Variants in EDIL3 observed in about 807,000 individuals in gnomAD.
EDIL3 encodes EGF like and discoidin domains 3.
In EDIL3, 37 loss-of-function variants were observed where a neutral mutation model predicts 67.4. That is an observed-to-expected ratio of 0.55 (90% CI 0.42 to 0.72). The LOEUF is 0.72. Ranked by LOEUF, EDIL3 falls within the 30% of genes least tolerant of loss-of-function variation. The pLI, the probability that EDIL3 is intolerant of heterozygous loss-of-function variation, is 0.00. For synonymous variants in EDIL3, 195 were observed against 196.3 expected, an observed-to-expected ratio of 0.99 and a Z score of 0.05; for missense variants, 527 against 586.3, an observed-to-expected ratio of 0.90 and a Z score of 1.04.
intron 1 of EDIL3, among the ~76,000 whole-genome samples, chr5:84,303,491 C>T (rs1294767706): frequency 6.6e-6 from 1 of 152,044 alleles, no homozygotes. Flanking sequence ...GTTAATCTGC[C>T]AACAAGTTGA....
At chr5:84,383,148 G>C (rs1263906097) in intron 1 of EDIL3, among the ~76,000 whole-genome samples, 2 of 152,208 alleles carry the variant, frequency 1.3e-5, no homozygotes, top group Non-Finnish European at 2.9e-5. Context: ...AGTTCACTCA[G>C]CTTTCCACTT....
At chr5:84,204,469 A>T (rs1743915425) in intron 3 of EDIL3, among the ~76,000 whole-genome samples, 1 of 152,208 alleles carries the variant, frequency 6.6e-6, no homozygotes, top group Admixed American at 6.5e-5. Flanking sequence ...GTTCCATGTC[A>T]TTGATATCCA....
At chr5:84,279,792 T>C (rs765658955) in intron 1 of EDIL3, among the ~76,000 whole-genome samples, 1 of 152,168 alleles carries the variant, frequency 6.6e-6, no homozygotes, top group African/African-American at 2.4e-5. Context: ...CTTTCCCAGC[T>C]TCCATTCCAA....
chr5:84,382,855 T>C (rs926238294), intron 1 of EDIL3, among the ~76,000 whole-genome samples: 2 of 151,770 alleles, frequency 1.3e-5, no homozygotes, highest in Non-Finnish European at 2.9e-5. Context: ...GCCTACACGC[T>C]GGGGGAAAAT....
chr5:84,027,230 T>C (rs1205462168), intron 9 of EDIL3, among the ~76,000 whole-genome samples: 1 of 152,210 alleles, frequency 6.6e-6, no homozygotes, highest in African/African-American at 2.4e-5. Context: ...CATGTGTCGC[T>C]TACTATAAGA....
intron 6 of EDIL3, among the ~76,000 whole-genome samples, chr5:84,076,120 A>C (rs967456853): frequency 7.9e-5 from 12 of 151,912 alleles, no homozygotes; most frequent in Non-Finnish European, 1.5e-4. Context: ...AAATTTACTA[A>C]GAAAGAGTTA....
At chr5:84,016,698 C>T (rs1745612605) in intron 9 of EDIL3, among the ~76,000 whole-genome samples, 1 of 152,166 alleles carries the variant, frequency 6.6e-6, no homozygotes, top group Non-Finnish European at 1.5e-5. Context: ...AAAACAAATG[C>T]ATCCCTGGTT....
At chr5:83,971,726 T>C (rs1338930006) in intron 9 of EDIL3, among the ~76,000 whole-genome samples, 1 of 151,994 alleles carries the variant, frequency 6.6e-6, no homozygotes, top group East Asian at 1.9e-4. Flanking sequence ...TCCTGGTGTT[T>C]GTCACATGCC....
At chr5:84,008,795 TTTTTGTTTTG>T (rs566432080) in intron 9 of EDIL3, among the ~76,000 whole-genome samples, 1 of 151,880 alleles carries the variant, frequency 6.6e-6, no homozygotes, top group African/African-American at 2.4e-5. Flanking sequence ...ATCTTAAGGA[TTTTTGTTTTG>T]TTTTGTTTTG....
rs560015520 is a variant in EDIL3, at chr5:84,224,595, T to C, written c.226+5260A>G. Reference sequence around the variant, plus strand: ...CTGACAACTTTGTTAAAAGGTGTTATTTGATTTTACCTTTCAAAAATACAT... The same window carrying C: ...CTGACAACTTTGTTAAAAGGTGTTACTTGATTTTACCTTTCAAAAATACAT... On this transcript the variant is annotated intron_variant, in intron 3 of 10. Coordinates refer to ENST00000296591, the MANE Select transcript of EDIL3 (RefSeq NM_005711.5). Among the ~76,000 whole-genome samples the C allele has an allele frequency of 3.8e-4, 58 of 151,530 alleles. 2 individuals are homozygous for C. In the South Asian group the frequency reaches 9.3e-3, roughly 24 times the overall value.
intron 1 of EDIL3, among the ~76,000 whole-genome samples, chr5:84,370,934 T>C (rs72766419): frequency 1.3e-5 from 2 of 151,886 alleles, no homozygotes; most frequent in Non-Finnish European, 2.9e-5. Flanking sequence ...CATGCATGCA[T>C]GCATAAAGTC....
chr5:84,162,193 G>T (rs912071175), intron 4 of EDIL3, among the ~76,000 whole-genome samples: 9 of 152,052 alleles, frequency 5.9e-5, no homozygotes, highest in Admixed American at 5.2e-4. Context: ...ATTATCTTCA[G>T]CATGGTCTAG....
intron 1 of EDIL3, among the ~76,000 whole-genome samples, chr5:84,367,438 C>T (rs961828655): frequency 5.9e-5 from 9 of 152,134 alleles, no homozygotes; most frequent in Non-Finnish European, 4.4e-5. Context: ...CAATACCTCA[C>T]TTCCTTAATA....
At position 83,942,483 on chromosome 5, in the gene EDIL3, T is replaced by C. The variant is rs1580243853; in HGVS notation, c.*936A>G. The stretch of plus-strand genomic sequence containing the variant: ...TTATAAAATAAACAAATAAGCCGAT[T>C]TTTTAAAGTAAATATAAGGATATGT... On this transcript the variant is annotated 3_prime_UTR_variant, in exon 11 of 11. Coordinates refer to ENST00000296591, the MANE Select transcript of EDIL3 (RefSeq NM_005711.5). 1 of 152,032 alleles carries C rather than the reference T, an allele frequency of 6.6e-6. No homozygotes were observed. The highest frequency in any genetic ancestry group is 1.5e-5 in the Non-Finnish European group (1 of 67,968). The allele number at this position is 152,032 out of a possible 1,614,324, so 9.4% of individuals were successfully genotyped here. A position where few individuals can be genotyped will look rare whatever the true frequency, so the allele number is the denominator to read the frequency against.
At chr5:84,193,585 G>C (rs347380) in intron 3 of EDIL3, among the ~76,000 whole-genome samples, 91,253 of 151,630 alleles carry the variant, frequency 0.6, 27,664 homozygotes, top group East Asian at 0.76. Context: ...TGAAAGTTTA[G>C]AGGTAACATA....
intron 1 of EDIL3, among the ~76,000 whole-genome samples, chr5:84,334,866 T>C (rs2112170164): frequency 6.6e-6 from 1 of 152,340 alleles, no homozygotes; most frequent in Admixed American, 6.5e-5. Flanking sequence ...TGCTGTTTTG[T>C]GCTATAAAAT....
chr5:84,289,064 A>G (rs543383355), intron 1 of EDIL3, among the ~76,000 whole-genome samples: 2 of 152,252 alleles, frequency 1.3e-5, no homozygotes, highest in African/African-American at 4.8e-5. Flanking sequence ...GGCACATTTA[A>G]AAAATGTTTT....
At chr5:83,974,491 T>C (rs542652052) in intron 9 of EDIL3, among the ~76,000 whole-genome samples, 1 of 151,914 alleles carries the variant, frequency 6.6e-6, no homozygotes, top group East Asian at 2.0e-4. Context: ...AAAAAAAAAT[T>C]TTTTTGTTCA....
At chr5:84,199,656 A>G (rs1183037551) in intron 3 of EDIL3, among the ~76,000 whole-genome samples, 1 of 152,036 alleles carries the variant, frequency 6.6e-6, no homozygotes, top group East Asian at 1.9e-4. Flanking sequence ...CATATTAAGG[A>G]TCAAGTTTAT....
Sources: allele counts gnomAD v4.1 joint callset (sites outside exome capture counted in the v4.1 genomes callset), GRCh38; gene constraint gnomAD v4.1.1; transcripts MANE v1.5; gene names NCBI Gene and HGNC (gene_info 2026-07-23, HGNC 2026-07-21).